The following APLF variants were observed in gnomAD, a reference collection of about 807,000 sequenced individuals.
APLF encodes aprataxin and PNK-like factor.
Under a neutral mutation model 55.6 loss-of-function variants are expected in APLF, and 61 were observed. The ratio of observed to expected loss-of-function variants is 1.10; its 90% CI spans 0.89 to 1.36. APLF has a LOEUF of 1.36. Ranked by LOEUF, APLF falls within the 40% of genes most tolerant of loss-of-function variation. APLF has a pLI of 0.00. For synonymous variants in APLF, 207 were observed against 214.8 expected (o/e 0.96, Z 0.32); for missense variants, 611 against 602.5 (o/e 1.01, Z -0.15).
At chr2:68,511,500 A>C (rs1677050005) in intron 3 of APLF, among the ~76,000 whole-genome samples, 1 of 151,750 alleles carries the variant, frequency 6.6e-6, no homozygotes, top group African/African-American at 2.4e-5. Flanking sequence ...CATATGGACT[A>C]TAGAGTGTAT....
chr2:68,567,259 G>T (rs533432596), intron 8 of APLF, 82 bp from the exon 9 acceptor site: 2 of 1,170,528 alleles, frequency 1.7e-6, no homozygotes, highest in Non-Finnish European at 2.5e-6. Flanking sequence ...TTGTAAGTTA[G>T]TCAGTGTTCT....
intron 1 of APLF, among the ~76,000 whole-genome samples, chr2:68,479,285 A>T (rs1174613489): frequency 1.3e-5 from 2 of 152,224 alleles, no homozygotes; most frequent in African/African-American, 4.8e-5. Context: ...TGTTATGGAA[A>T]AAGTCATGAA....
At chr2:68,516,444 A>G (rs562017680) in intron 5 of APLF, among the ~76,000 whole-genome samples, 1 of 151,036 alleles carries the variant, frequency 6.6e-6, no homozygotes, top group Non-Finnish European at 1.5e-5. Context: ...TTATATATAT[A>G]TTTTTTATTT....
chr2:68,518,087 AAT>A (rs1371514093), intron 5 of APLF, among the ~76,000 whole-genome samples: 14 of 132,762 alleles, frequency 1.1e-4, no homozygotes, highest in Admixed American at 2.5e-4. Flanking sequence ...ATATAATATT[AAT>A]ATATATTAAT....
chr2:68,580,077 G>A lies in APLF; in HGVS notation c.*2055G>A, dbSNP rs1392374774. 6.4e-6 allele frequency: 6 copies of A among 940,746 alleles called. No individual in the cohort carries two copies. Among genetic ancestry groups the A allele is most frequent in the African/African-American group, 3.6e-5 (2 of 56,286 alleles). 58.3% of individuals were successfully genotyped at this position (940,746 alleles called of 1,614,324 possible). A position where few individuals can be genotyped will look rare whatever the true frequency, so the allele number is the denominator to read the frequency against. Reference sequence around the variant, plus strand: ...ATAGTTCATGGTAGCTGCTTTTAACGATACAGTTTTAATGCAACTTTCATA... The same window carrying A: ...ATAGTTCATGGTAGCTGCTTTTAACAATACAGTTTTAATGCAACTTTCATA... On this transcript the variant is annotated 3_prime_UTR_variant, in exon 10 of 10. Transcript: ENST00000303795.
At chr2:68,520,203 T>C (rs1429661824) in intron 5 of APLF, among the ~76,000 whole-genome samples, 1 of 152,086 alleles carries the variant, frequency 6.6e-6, no homozygotes, top group African/African-American at 2.4e-5. Flanking sequence ...TTCTTGTAGA[T>C]TCTGGATATT....
At chr2:68,554,496 A>C (rs1670951324) in intron 8 of APLF, among the ~76,000 whole-genome samples, 1 of 152,074 alleles carries the variant, frequency 6.6e-6, no homozygotes, top group Admixed American at 6.6e-5. Context: ...TGACAGTGTG[A>C]TCATTTTTAC....
At chr2:68,525,585 T>C (rs1450049761) in intron 5 of APLF, among the ~76,000 whole-genome samples, 1 of 152,132 alleles carries the variant, frequency 6.6e-6, no homozygotes, top group African/African-American at 2.4e-5. Context: ...GGAGCCTCCA[T>C]TGGCATCTCA....
chr2:68,489,880 A>G (rs1308512806), intron 1 of APLF, among the ~76,000 whole-genome samples: 1 of 152,144 alleles, frequency 6.6e-6, no homozygotes, highest in Non-Finnish European at 1.5e-5. Flanking sequence ...TATTTTATGA[A>G]TTTTCTTGGT....
In APLF at chr2:68,529,137, G is replaced by A. The variant is rs370325912; in HGVS notation, c.804+2895G>A. Reference sequence around the variant, plus strand: ...AGGTATCCAAACATCCTGGAGTTGCGAGCAGACAGCACGGGTTTCTTCCTT... The same window carrying A: ...AGGTATCCAAACATCCTGGAGTTGCAAGCAGACAGCACGGGTTTCTTCCTT... On this transcript the variant is annotated intron_variant, in intron 6 of 9. Transcript: ENST00000303795. This position sits in a 1 kb window ranked among gnomAD's most constrained non-coding sequence, Gnocchi z 4.4. The A allele has an allele frequency of 2.7e-5, 36 of 1,331,158 alleles. No homozygotes were observed. In the African/African-American group the frequency reaches 4.0e-4, roughly 15 times the overall value. 82.5% of individuals were successfully genotyped at this position (1,331,158 alleles called of 1,614,324 possible). A position where few individuals can be genotyped will look rare whatever the true frequency, so the allele number is the denominator to read the frequency against.
intron 1 of APLF, among the ~76,000 whole-genome samples, chr2:68,478,323 C>T (rs1675843695): frequency 6.6e-6 from 1 of 152,154 alleles, no homozygotes; most frequent in African/African-American, 2.4e-5. Flanking sequence ...GAAGCTTTCA[C>T]TGCAGCTATG....
rs755954160 is a variant in APLF at position 68,577,978 on chromosome 2, G to T, written c.1492G>T (p.Glu498Ter). 4.5e-5 allele frequency: 72 copies of T among 1,613,274 alleles called. No homozygotes were observed. Among genetic ancestry groups the T allele is most frequent in the Non-Finnish European group, 5.7e-5 (67 of 1,179,630 alleles). Residue 498 changes from glutamate (E) to a stop codon, truncating the protein, a stop_gained, in exon 10 of 10, where the codon GAA becomes TAA. Coordinates refer to ENST00000303795, the MANE Select transcript of APLF (RefSeq NM_173545.3). LOFTEE classifies it high-confidence loss of function. ...GGAAGATGAAGAGAAGGAAGATGTGGAAGAGCTTTTGAAAGAAGCAAAAAG... is the reference window on the plus strand; with the variant it reads ...GGAAGATGAAGAGAAGGAAGATGTGTAAGAGCTTTTGAAAGAAGCAAAAAG... ...GKEDEEKEDVEELLKEAKRFM... is the reference protein window; with the variant it reads ...GKEDEEKEDV
intron 1 of APLF, among the ~76,000 whole-genome samples, chr2:68,474,145 A>C (rs1376501480): frequency 6.6e-6 from 1 of 152,248 alleles, no homozygotes; most frequent in East Asian, 1.9e-4. Context: ...GGGAAGGGAT[A>C]CTGAGCTTCC....
chr2:68,567,212 G>A, intron 8 of APLF, 129 bp from the exon 9 acceptor site: 2 of 690,402 alleles, frequency 2.9e-6, no homozygotes, highest in South Asian at 1.9e-5. Flanking sequence ...AACAACAAAT[G>A]CTTTTTCATA....
intron 8 of APLF, among the ~76,000 whole-genome samples, chr2:68,547,280 A>T (rs969092634): frequency 6.6e-6 from 1 of 151,846 alleles, no homozygotes; most frequent in Non-Finnish European, 1.5e-5. Flanking sequence ...TTCATGATTG[A>T]ATTATTCAGT....
chr2:68,550,125 T>A (rs560747584), intron 8 of APLF, among the ~76,000 whole-genome samples: 1 of 152,342 alleles, frequency 6.6e-6, no homozygotes, highest in African/African-American at 2.4e-5. Flanking sequence ...TTTCAACTTC[T>A]GTTCTTATAT....
chr2:68,500,040 C>T (rs1468186771), intron 2 of APLF, among the ~76,000 whole-genome samples: 1 of 151,712 alleles, frequency 6.6e-6, no homozygotes, highest in Admixed American at 6.6e-5. Context: ...GTTTTCATTC[C>T]TAATTTTTTG....
intron 3 of APLF, among the ~76,000 whole-genome samples, chr2:68,511,255 A>T (rs1447162073): frequency 6.6e-6 from 1 of 151,768 alleles, no homozygotes; most frequent in Non-Finnish European, 1.5e-5. Context: ...CCAAGTTTTA[A>T]TTTTTTATTT....
At chr2:68,548,209 G>C (rs1333890226) in intron 8 of APLF, among the ~76,000 whole-genome samples, 3 of 151,430 alleles carry the variant, frequency 2.0e-5, no homozygotes, top group African/African-American at 7.3e-5. Context: ...TCTAAAACAA[G>C]AAACAAAAAT....
Sources: allele counts gnomAD v4.1 joint callset (sites outside exome capture counted in the v4.1 genomes callset), GRCh38; gene constraint gnomAD v4.1.1; non-coding constraint Gnocchi (gnomAD v3.1); transcripts MANE v1.5; gene names NCBI Gene and HGNC (gene_info 2026-07-23, HGNC 2026-07-21).